The following ABAT variants were observed in gnomAD, a reference collection of about 807,000 sequenced individuals.
The protein encoded by ABAT is 4-aminobutyrate aminotransferase, also known as 4-aminobutyrate aminotransferase, mitochondrial.
A neutral mutation model predicts 64.6 loss-of-function variants in ABAT; 45 were observed. That is an observed-to-expected ratio of 0.70 (90% CI 0.55 to 0.89). The LOEUF is 0.89. ABAT is among the 40% of genes least tolerant of loss of function. ABAT has a pLI of 0.00. For synonymous variants in ABAT, 297 were observed against 250.5 expected, an observed-to-expected ratio of 1.19 and a Z score of -1.75; for missense variants, 633 against 658.4, an observed-to-expected ratio of 0.96 and a Z score of 0.42.
intron 1 of ABAT, among the ~76,000 whole-genome samples, chr16:8,704,538 T>C (rs548101955): frequency 6.6e-6 from 1 of 152,350 alleles, no homozygotes; most frequent in East Asian, 1.9e-4. Context: ...TAGACGGCCA[T>C]GCCATGGCCT....
intron 1 of ABAT, among the ~76,000 whole-genome samples, chr16:8,721,965 C>T (rs1304416402): frequency 6.6e-6 from 1 of 152,266 alleles, no homozygotes; most frequent in Non-Finnish European, 1.5e-5. Flanking sequence ...ATAGAACTTA[C>T]TTCAGGCCCA....
rs1226809459 is a variant in ABAT at position 8,713,464 on chromosome 16, CCT to C, written c.-41-22232_-41-22231del. 11 of 176,354 alleles carry C rather than the reference CCT, an allele frequency of 6.2e-5. No homozygotes were observed. In the East Asian group the frequency reaches 1.7e-3, roughly 28 times the overall value. 10.9% of individuals were successfully genotyped at this position (176,354 alleles called of 1,614,324 possible). On this transcript the variant is annotated intron_variant, in intron 1 of 15. Coordinates refer to ENST00000268251, the MANE Select transcript of ABAT (RefSeq NM_020686.6). ...CTCTCTGTTTATCGCTCTCCTTCTGCCTCTGTTAATCTTTGTTTCTGTGTAGT... is the reference window on the plus strand; with the variant it reads ...CTCTCTGTTTATCGCTCTCCTTCTGCCTGTTAATCTTTGTTTCTGTGTAGT...
chr16:8,782,090 T>C lies in ABAT; in HGVS notation c.*660T>C, dbSNP rs947417902. Reference sequence around the variant, plus strand: ...TCCCCCTAAACTGTGAATTCTGCCCTGGACAGGGCTTTGCCCTTGGAGGAT... The same window carrying C: ...TCCCCCTAAACTGTGAATTCTGCCCCGGACAGGGCTTTGCCCTTGGAGGAT... On this transcript the variant is annotated 3_prime_UTR_variant, in exon 16 of 16. Transcript: ENST00000268251. 1 of 155,774 alleles carries C rather than the reference T, an allele frequency of 6.4e-6. No homozygotes were observed. Among genetic ancestry groups the C allele is most frequent in the Non-Finnish European group, 1.4e-5 (1 of 70,092 alleles). 9.6% of individuals were successfully genotyped at this position (155,774 alleles called of 1,614,324 possible).
intron 1 of ABAT, among the ~76,000 whole-genome samples, chr16:8,727,459 GA>G (rs2058592391): frequency 6.6e-6 from 1 of 152,136 alleles, no homozygotes; most frequent in Admixed American, 6.5e-5. Context: ...AACTTTTGAA[GA>G]TGCAGCTCAG....
chr16:8,709,964 T>C (rs889978498), intron 1 of ABAT, among the ~76,000 whole-genome samples: 1 of 152,002 alleles, frequency 6.6e-6, no homozygotes, highest in Non-Finnish European at 1.5e-5. Flanking sequence ...CTGCCACTCA[T>C]AGCTGATTTT....
intron 1 of ABAT, among the ~76,000 whole-genome samples, chr16:8,694,343 G>C (rs1243657773): frequency 1.3e-5 from 2 of 150,500 alleles, no homozygotes; most frequent in African/African-American, 2.4e-5. Context: ...ATTTTATTCA[G>C]ATTTCCCCAG....
At chr16:8,777,757 A>G (rs760421616) in intron 14 of ABAT, among the ~76,000 whole-genome samples, 2 of 152,148 alleles carry the variant, frequency 1.3e-5, no homozygotes, top group African/African-American at 2.4e-5. Flanking sequence ...AGGACTTCTG[A>G]GCCTCAGTTT....
intron 1 of ABAT, among the ~76,000 whole-genome samples, chr16:8,687,920 CAG>C (rs1360083393): frequency 6.6e-6 from 1 of 150,956 alleles, no homozygotes; most frequent in East Asian, 1.9e-4. Context: ...TTTTAAGAGA[CAG>C]GGGTCTCACT....
chr16:8,773,459 CT>C (rs35503372), intron 12 of ABAT, among the ~76,000 whole-genome samples: 38,772 of 152,070 alleles, frequency 0.25, 5,446 homozygotes, highest in Admixed American at 0.33. Context: ...GCCTTAAAAT[CT>C]TTTTAAAAAA....
In ABAT at chr16:8,764,238, G is replaced by A; in HGVS notation, c.447+89G>A. Reference sequence around the variant, plus strand: ...GGAGACGCCAACAATGAAGAATAAGGTGTTGCTACAGAAATCTTTCTCTCT... The same window carrying A: ...GGAGACGCCAACAATGAAGAATAAGATGTTGCTACAGAAATCTTTCTCTCT... On this transcript the variant is annotated intron_variant, in intron 7 of 15. Transcript: ENST00000268251. This position sits in a 1 kb window ranked among gnomAD's most constrained non-coding sequence, Gnocchi z 4.2. 9.1e-7 allele frequency: 1 copy of A among 1,100,480 alleles called. No individual in the cohort carries two copies. Among genetic ancestry groups the A allele is most frequent in the South Asian group, 1.3e-5 (1 of 78,976 alleles). 68.2% of individuals were successfully genotyped at this position (1,100,480 alleles called of 1,614,324 possible).
chr16:8,779,334 G>C (rs955629395), intron 14 of ABAT, 145 bp from the exon 15 acceptor site: 1 of 701,640 alleles, frequency 1.4e-6, no homozygotes, highest in Admixed American at 2.1e-5. Flanking sequence ...AATGTCCCCA[G>C]AGCTCTTAAC....
intron 1 of ABAT, among the ~76,000 whole-genome samples, chr16:8,730,535 C>T (rs2058687872): frequency 6.6e-6 from 1 of 152,138 alleles, no homozygotes; most frequent in Non-Finnish European, 1.5e-5. Flanking sequence ...TGGATACAGG[C>T]CTCCCCTCCA....
chr16:8,745,927 G>T, intron 2 of ABAT, 74 bp from the exon 3 acceptor site: 1 of 1,403,708 alleles, frequency 7.1e-7, no homozygotes, highest in Non-Finnish European at 1.0e-6. Flanking sequence ...TAGGGACATT[G>T]GGCATCTGTC....
intron 1 of ABAT, among the ~76,000 whole-genome samples, chr16:8,676,813 C>T (rs903173077): frequency 2.6e-5 from 4 of 152,352 alleles, no homozygotes; most frequent in African/African-American, 9.6e-5. Context: ...TGCCCACGCC[C>T]TCTGGCTTTG....
At chr16:8,730,587 G>A (rs2058688924) in intron 1 of ABAT, among the ~76,000 whole-genome samples, 1 of 152,122 alleles carries the variant, frequency 6.6e-6, no homozygotes, top group South Asian at 2.1e-4. Flanking sequence ...ACCTCTGGTT[G>A]GCACTTCCTA....
At chr16:8,754,662 A>ATTTTCTTTC (rs779413223) in intron 5 of ABAT, among the ~76,000 whole-genome samples, 3 of 145,974 alleles carry the variant, frequency 2.1e-5, no homozygotes, top group Non-Finnish European at 4.5e-5. Flanking sequence ...CAGCAAGTTG[A>ATTTTCTTTC]TTTATTTATT....
chr16:8,719,399 C>G (rs966220247), intron 1 of ABAT, among the ~76,000 whole-genome samples: 13 of 152,190 alleles, frequency 8.5e-5, no homozygotes, highest in African/African-American at 3.1e-4. Context: ...AGAACAAAGG[C>G]TATCTGTGTC....
chr16:8,710,145 T>C (rs1050161547), intron 1 of ABAT, among the ~76,000 whole-genome samples: 4 of 151,994 alleles, frequency 2.6e-5, no homozygotes, highest in African/African-American at 9.7e-5. Context: ...CTAATATCTG[T>C]GAAATGGAAG....
At chr16:8,753,738 C>T (rs1340723286) in intron 5 of ABAT, among the ~76,000 whole-genome samples, 1 of 152,108 alleles carries the variant, frequency 6.6e-6, no homozygotes, top group African/African-American at 2.4e-5. Context: ...TTGGGGCCAG[C>T]GTGTGTTGGA....
Sources: allele counts gnomAD v4.1 joint callset (sites outside exome capture counted in the v4.1 genomes callset), GRCh38; gene constraint gnomAD v4.1.1; non-coding constraint Gnocchi (gnomAD v3.1); transcripts MANE v1.5; gene names NCBI Gene and HGNC (gene_info 2026-07-23, HGNC 2026-07-21).